The following OPCML variants were observed in gnomAD, a reference collection of about 807,000 sequenced individuals.
The protein encoded by OPCML is opioid binding protein/cell adhesion molecule like, also known as opioid-binding protein/cell adhesion molecule.
A neutral mutation model predicts 37.8 loss-of-function variants in OPCML; 13 were observed. The ratio of observed to expected loss-of-function variants is 0.34; its 90% CI spans 0.22 to 0.55. The LOEUF is 0.55. Among genes scored for constraint, OPCML ranks in the 20% least tolerant of loss-of-function variants. The pLI, the probability that OPCML is intolerant of heterozygous loss-of-function variation, is 0.91. For missense variants in OPCML, 341 were observed against 435.6 expected, an observed-to-expected ratio of 0.78 and a Z score of 1.93; for synonymous variants, 176 against 168.8, an observed-to-expected ratio of 1.04 and a Z score of -0.33.
intron 1 of OPCML, among the ~76,000 whole-genome samples, chr11:133,235,007 A>G (rs899683647): frequency 1.3e-5 from 2 of 152,012 alleles, no homozygotes; most frequent in African/African-American, 2.4e-5. Context: ...GGCTGCAGAC[A>G]TTTGTAGAGG....
At chr11:133,341,221 T>G (rs1047394126) in intron 1 of OPCML, among the ~76,000 whole-genome samples, 2 of 152,144 alleles carry the variant, frequency 1.3e-5, no homozygotes. Context: ...AGCATATGGG[T>G]GAATTCTAAT....
rs932031611 is a variant in OPCML at position 133,374,590 on chromosome 11, T to C, written c.61+157674A>G. Among the ~76,000 whole-genome samples, 5 of 152,366 alleles carry C rather than the reference T, an allele frequency of 3.3e-5. No homozygotes were observed. In the East Asian group the frequency reaches 9.6e-4, roughly 29 times the overall value. On this transcript the variant is annotated intron_variant, in intron 1 of 7. Coordinates refer to ENST00000524381, the MANE Select transcript of OPCML (RefSeq NM_001012393.5). ...ATTTTGCCTTTGGCACTGACTATTG[T>C]AATAGCTTCTCATATTAGGTTAGCC...
chr11:132,979,659 G>A (rs765986384), intron 1 of OPCML, among the ~76,000 whole-genome samples: 1 of 152,186 alleles, frequency 6.6e-6, no homozygotes, highest in Non-Finnish European at 1.5e-5. Flanking sequence ...TGCATTTATT[G>A]TTATTTCTAC....
chr11:132,544,370 A>AG (rs937705922), intron 3 of OPCML, among the ~76,000 whole-genome samples: 1 of 152,192 alleles, frequency 6.6e-6, no homozygotes, highest in African/African-American at 2.4e-5. Flanking sequence ...TTGAAAGGTG[A>AG]GACATACACA....
intron 1 of OPCML, among the ~76,000 whole-genome samples, chr11:133,309,777 T>C (rs1592189046): frequency 6.6e-6 from 1 of 152,064 alleles, no homozygotes; most frequent in South Asian, 2.1e-4. Context: ...GAACTGGAGA[T>C]GGATAGAGGA....
intron 2 of OPCML, among the ~76,000 whole-genome samples, chr11:132,783,131 G>T (rs1227928935): frequency 6.6e-6 from 1 of 151,874 alleles, no homozygotes; most frequent in African/African-American, 2.4e-5. Context: ...TTTGGGAAGG[G>T]TTTGTCCCTA....
At chr11:133,074,896 CA>C (rs903848576) in intron 1 of OPCML, among the ~76,000 whole-genome samples, 8 of 152,146 alleles carry the variant, frequency 5.3e-5, no homozygotes, top group Admixed American at 2.6e-4. Context: ...TAATGAGAAG[CA>C]AAGTTAAATA....
intron 1 of OPCML, among the ~76,000 whole-genome samples, chr11:132,950,169 A>T (rs1293856476): frequency 6.6e-6 from 1 of 152,196 alleles, no homozygotes; most frequent in Non-Finnish European, 1.5e-5. Flanking sequence ...AGTGGAAAAG[A>T]GACGGGTTGT....
intron 2 of OPCML, among the ~76,000 whole-genome samples, chr11:132,776,767 G>T (rs1375497472): frequency 3.3e-5 from 5 of 151,974 alleles, no homozygotes; most frequent in Admixed American, 2.6e-4. Context: ...CCTTTACAGA[G>T]ACACAAGAAT....
chr11:133,102,437 GA>G (rs1949096799), intron 1 of OPCML, among the ~76,000 whole-genome samples: 1 of 152,150 alleles, frequency 6.6e-6, no homozygotes, highest in Admixed American at 6.5e-5. Context: ...ACTATTCTGG[GA>G]AATGCATTCT....
chr11:133,026,487 A>T, intron 1 of OPCML: 1 of 985,380 alleles, frequency 1.0e-6, no homozygotes, highest in South Asian at 4.7e-5. Flanking sequence ...TCCTCCACGC[A>T]GTAGGTTTTG....
intron 1 of OPCML, among the ~76,000 whole-genome samples, chr11:133,487,598 A>G (rs1023072447): frequency 6.6e-6 from 1 of 152,106 alleles, no homozygotes; most frequent in African/African-American, 2.4e-5. Context: ...TCTGCTTATC[A>G]TGAGTCCTCC....
At position 133,291,300 on chromosome 11, in the gene OPCML, C is replaced by T. The variant is rs547352776; in HGVS notation, c.61+240964G>A. 1.5e-3 allele frequency among the ~76,000 whole-genome samples: 233 copies of T among 152,340 alleles called. 5 individuals carry two copies. Among genetic ancestry groups the T allele is most frequent in the Middle Eastern group, 0.01 (3 of 294 alleles). ...AAAATCATGATAATGATCGATGCTT[C>T]ATGGGGTGTCTGTCGGTTAAAGAGG... On this transcript the variant is annotated intron_variant, in intron 1 of 7. Transcript: ENST00000524381.
chr11:132,803,685 C>A (rs1387689786), intron 2 of OPCML, among the ~76,000 whole-genome samples: 1 of 152,196 alleles, frequency 6.6e-6, no homozygotes, highest in Non-Finnish European at 1.5e-5. Context: ...TACCCACTTT[C>A]CACCAGAAGG....
chr11:132,863,765 G>A (rs1381543492), intron 2 of OPCML, among the ~76,000 whole-genome samples: 2 of 151,582 alleles, frequency 1.3e-5, no homozygotes, highest in Admixed American at 6.6e-5. Flanking sequence ...CCTAGAGGCC[G>A]GGAGGAATCT....
At chr11:133,034,692 G>T (rs1355818988) in intron 1 of OPCML, among the ~76,000 whole-genome samples, 1 of 151,878 alleles carries the variant, frequency 6.6e-6, no homozygotes, top group African/African-American at 2.4e-5. Flanking sequence ...TTAGACGCAA[G>T]GAACATTTAG....
Position 132,420,210 on chromosome 11 carries a change from A to C in OPCML, c.1000T>G (p.Phe334Val). The C allele has an allele frequency of 6.2e-7, 1 of 1,613,934 alleles. No individual in the cohort carries two copies. The change falls in exon 8 of 8, where the codon TTC (phenylalanine) becomes GTC (valine). Residue 334 changes from phenylalanine (F) to valine (V), a missense_variant. Phe to Val is a conservative substitution (Grantham distance 50). Coordinates refer to ENST00000524381, the MANE Select transcript of OPCML (RefSeq NM_001012393.5). Reference protein sequence around the residue: ...LWLSGTLLAHFFIKF With the variant: ...LWLSGTLLAHVFIKF ...ATTTCTTATCAAAACTTGATGAAGA[A>C]GTGGGCTAAGAGGGTCCCTGATAGC... is the stretch of plus-strand genomic sequence containing the variant.
chr11:133,038,924 G>A lies in OPCML; in HGVS notation c.62-95914C>T, dbSNP rs560570258. ...GGTGCCAGACTGAGAGCTACAAAGC[G>A]TCCTGCAGTCTCATACTGCTTCTCA... is the stretch of plus-strand genomic sequence containing the variant. On this transcript the variant is annotated intron_variant, in intron 1 of 7. Transcript: ENST00000524381. Among the ~76,000 whole-genome samples the A allele has an allele frequency of 3.4e-4, 51 of 152,076 alleles. 1 individual carries two copies. In the South Asian group the frequency reaches 3.9e-3, roughly 12 times the overall value.
chr11:132,454,572 T>G (rs551337576), intron 4 of OPCML, among the ~76,000 whole-genome samples: 44 of 152,298 alleles, frequency 2.9e-4, no homozygotes, highest in Admixed American at 9.8e-4. Flanking sequence ...GGCTCCCAGC[T>G]GAGGACAGAG....
Sources: allele counts gnomAD v4.1 joint callset (sites outside exome capture counted in the v4.1 genomes callset), GRCh38; gene constraint gnomAD v4.1.1; transcripts MANE v1.5; gene names NCBI Gene and HGNC (gene_info 2026-07-23, HGNC 2026-07-21).